KCNQ3: variants seen among roughly 807,000 people sequenced by gnomAD.
KCNQ3 encodes potassium voltage-gated channel subfamily KQT member 3.
A neutral mutation model predicts 92.5 loss-of-function variants in KCNQ3; 30 were observed. That is an observed-to-expected ratio of 0.32 (90% confidence interval 0.24 to 0.44). The LOEUF is 0.44. Among genes scored for constraint, KCNQ3 ranks in the 20% least tolerant of loss-of-function variants. The pLI, the probability that KCNQ3 is intolerant of heterozygous loss-of-function variation, is 1.00. For synonymous variants in KCNQ3, 450 were observed against 468.8 expected (o/e 0.96, Z 0.52); for missense variants, 913 against 1,140.3 (o/e 0.80, Z 2.87).
At chr8:132,187,319 T>A (rs1246478052) in intron 1 of KCNQ3, 10 of 452,532 alleles carry the variant, frequency 2.2e-5, no homozygotes, top group Non-Finnish European at 4.4e-5. Context: ...ACAGTCCAGA[T>A]AAACAGAAAG....
intron 1 of KCNQ3, among the ~76,000 whole-genome samples, chr8:132,314,741 A>C (rs1817690277): frequency 6.6e-6 from 1 of 152,242 alleles, no homozygotes; most frequent in South Asian, 2.1e-4. Context: ...TTCCAATATA[A>C]TTAGCAAAAG....
chr8:132,141,582 G>C (rs951933965), intron 9 of KCNQ3, among the ~76,000 whole-genome samples: 1 of 152,184 alleles, frequency 6.6e-6, no homozygotes, highest in Admixed American at 6.5e-5. Flanking sequence ...ATTAAATGTA[G>C]CTTACATGAG....
At chr8:132,402,933 G>A (rs1228367278) in intron 1 of KCNQ3, among the ~76,000 whole-genome samples, 2 of 144,556 alleles carry the variant, frequency 1.4e-5, no homozygotes, top group Non-Finnish European at 3.0e-5. Context: ...CAGGGGAATC[G>A]CTTGAACCCA....
intron 9 of KCNQ3, among the ~76,000 whole-genome samples, chr8:132,155,603 T>C (rs1652715060): frequency 6.6e-6 from 1 of 152,216 alleles, no homozygotes; most frequent in Admixed American, 6.5e-5. Context: ...AAGTCTGTAA[T>C]GTGCCCAGAA....
intron 1 of KCNQ3, among the ~76,000 whole-genome samples, chr8:132,382,118 C>T (rs1411857288): frequency 1.3e-5 from 2 of 152,230 alleles, no homozygotes; most frequent in African/African-American, 2.4e-5. Context: ...TAAGTCTTTA[C>T]AGTTCTTTTT....
intron 1 of KCNQ3, among the ~76,000 whole-genome samples, chr8:132,236,748 T>C (rs1200878328): frequency 6.6e-6 from 1 of 152,200 alleles, no homozygotes; most frequent in Non-Finnish European, 1.5e-5. Flanking sequence ...GGTCTGACTT[T>C]ATCACAAGAG....
intron 1 of KCNQ3, among the ~76,000 whole-genome samples, chr8:132,208,618 G>A (rs1813748020): frequency 6.6e-6 from 1 of 152,072 alleles, no homozygotes; most frequent in African/African-American, 2.4e-5. Context: ...GGGTAGTAAG[G>A]GAAAGGAATA....
At position 132,248,328 on chromosome 8, in the gene KCNQ3, C is replaced by CTATAAGTATATA. The variant is rs982317927; in HGVS notation, c.387-62159_387-62148dup. Reference sequence around the variant, plus strand: ...AGCTGATCCATGGACCTTTTTTAGTCTATAAGTATATATATATATATATAT... The same window carrying CTATAAGTATATA: ...AGCTGATCCATGGACCTTTTTTAGTCTATAAGTATATATATAAGTATATATATATATATATAT... On this transcript the variant is annotated intron_variant, in intron 1 of 14. Coordinates refer to ENST00000388996, the MANE Select transcript of KCNQ3 (RefSeq NM_004519.4). Among the ~76,000 whole-genome samples the CTATAAGTATATA allele has an allele frequency of 2.1e-4, 19 of 89,780 alleles. No homozygotes were observed. In the South Asian group the frequency reaches 2.5e-3, roughly 12 times the overall value. The allele number at this position is 89,780 out of a possible 152,430, so 58.9% of individuals were successfully genotyped here.
At chr8:132,364,275 G>A (rs76495078) in intron 1 of KCNQ3, among the ~76,000 whole-genome samples, 168 of 152,308 alleles carry the variant, frequency 1.1e-3, no homozygotes, top group African/African-American at 4.0e-3. Flanking sequence ...TTTAAACTGT[G>A]AATTACTTTC....
chr8:132,424,714 G>A (rs1441607637), intron 1 of KCNQ3, among the ~76,000 whole-genome samples: 6 of 152,196 alleles, frequency 3.9e-5, no homozygotes, highest in East Asian at 1.9e-4. Context: ...CACTCCCTCC[G>A]AAGGCTCTAG....
At chr8:132,159,514 A>G (rs1452032051) in intron 9 of KCNQ3, among the ~76,000 whole-genome samples, 1 of 152,212 alleles carries the variant, frequency 6.6e-6, no homozygotes, top group Non-Finnish European at 1.5e-5. Flanking sequence ...AACTGGGTCA[A>G]TCTGAGTGCT....
chr8:132,428,581 C>T (rs1242094919), intron 1 of KCNQ3, among the ~76,000 whole-genome samples: 1 of 152,180 alleles, frequency 6.6e-6, no homozygotes, highest in Non-Finnish European at 1.5e-5. Context: ...TTCTACCCTT[C>T]ACTACAAATG....
At chr8:132,445,274 T>C (rs1051628660) in intron 1 of KCNQ3, among the ~76,000 whole-genome samples, 1 of 151,908 alleles carries the variant, frequency 6.6e-6, no homozygotes, top group Non-Finnish European at 1.5e-5. Context: ...AGGAAGAGGG[T>C]CAGGCCCCAG....
intron 1 of KCNQ3, among the ~76,000 whole-genome samples, chr8:132,263,416 C>G (rs1346981408): frequency 6.6e-6 from 1 of 152,336 alleles, no homozygotes; most frequent in East Asian, 1.9e-4. Context: ...AGCCCCATTT[C>G]TATCCAGTTC....
chr8:132,449,659 T>C (rs1821776715), intron 1 of KCNQ3, among the ~76,000 whole-genome samples: 1 of 152,136 alleles, frequency 6.6e-6, no homozygotes, highest in African/African-American at 2.4e-5. Context: ...CCTGTCATCA[T>C]TGTCAGGTGA....
intron 1 of KCNQ3, among the ~76,000 whole-genome samples, chr8:132,364,970 G>A (rs974070017): frequency 3.9e-5 from 6 of 152,048 alleles, no homozygotes; most frequent in Non-Finnish European, 8.8e-5. Context: ...CAGAATCATA[G>A]AGCTAGGAAG....
chr8:132,412,110 T>C (rs890259954), intron 1 of KCNQ3, among the ~76,000 whole-genome samples: 1 of 152,180 alleles, frequency 6.6e-6, no homozygotes, highest in Non-Finnish European at 1.5e-5. Flanking sequence ...TGCCTGGCGC[T>C]TGGCACCCCA....
intron 1 of KCNQ3, among the ~76,000 whole-genome samples, chr8:132,332,321 GA>G (rs1245918925): frequency 1.3e-5 from 2 of 152,160 alleles, no homozygotes; most frequent in Non-Finnish European, 2.9e-5. Context: ...ACACATAAGA[GA>G]CTTTGAGCCA....
chr8:132,368,626 C>T lies in KCNQ3; in HGVS notation c.386+111521G>A, dbSNP rs146913356. On this transcript the variant is annotated intron_variant, in intron 1 of 14. Transcript: ENST00000388996. ...TGTGATTGTGCCACTGCACTCCAGC[C>T]TGAGAGACTGAAAGAGACCCTGTCT... is the stretch of plus-strand genomic sequence containing the variant. Among the ~76,000 whole-genome samples, 258 of 151,484 alleles carry T rather than the reference C, an allele frequency of 1.7e-3. 6 individuals carry two copies. In the East Asian group the frequency reaches 0.046, roughly 27 times the overall value.
Sources: allele counts gnomAD v4.1 joint callset (sites outside exome capture counted in the v4.1 genomes callset), GRCh38; gene constraint gnomAD v4.1.1; transcripts MANE v1.5; gene names NCBI Gene and HGNC (gene_info 2026-07-23, HGNC 2026-07-21).